HORMAD2: variants seen among roughly 807,000 people sequenced by gnomAD.
The protein encoded by HORMAD2 is HORMA domain containing 2.
HORMAD2 carries 45 observed loss-of-function variants against 38.8 expected under a neutral mutation model. That is an observed-to-expected ratio of 1.16 (90% CI 0.91 to 1.49). HORMAD2 has a LOEUF of 1.49. HORMAD2 is among the 40% of genes most tolerant of loss of function. The pLI is 0.00. For synonymous variants in HORMAD2, 126 were observed against 122.8 expected (o/e 1.03, Z -0.17); for missense variants, 338 against 367.0 (o/e 0.92, Z 0.65).
intron 10 of HORMAD2, among the ~76,000 whole-genome samples, chr22:30,141,354 ATACT>A (rs1398074157): frequency 6.6e-6 from 1 of 151,924 alleles, no homozygotes; most frequent in African/African-American, 2.4e-5. Context: ...TAATTTCCAC[ATACT>A]TTTTTATTTA....
rs371936401 is a variant in HORMAD2, at chr22:30,118,981, A to C, written c.344A>C (p.Lys115Thr). 2 of 1,577,262 alleles carry C rather than the reference A, an allele frequency of 1.3e-6. No homozygotes were observed. Among genetic ancestry groups the C allele is most frequent in the African/African-American group, 1.4e-5 (1 of 74,022 alleles). Residue 115 changes from lysine (K) to threonine (T), a missense_variant and splice_region_variant, in exon 8 of 11, where the codon AAG becomes ACG. Coordinates refer to ENST00000336726, the MANE Select transcript of HORMAD2 (RefSeq NM_152510.4). ...CTTTATTTCCTTTGGTTTTTGTAGA[A>C]GGTGACTGAGATGTACCAGTTCAAA... The part of the protein sequence containing the change: ...TLYTDPMGSE[K>T]VTEMYQFKFK...
In HORMAD2 at chr22:30,148,408, G is replaced by A. The variant is rs1047009068; in HGVS notation, c.819+26194G>A. 3.9e-5 allele frequency among the ~76,000 whole-genome samples: 6 copies of A among 152,132 alleles called. No homozygotes were observed. The East Asian group carries it at 7.7e-4, about 20-fold the overall frequency. On this transcript the variant is annotated intron_variant, in intron 10 of 10. Transcript: ENST00000336726. ...GAATTTAGTGCAAAGAGGCATAGAG[G>A]AACTTTTTTTAGGGTGATGAGATGT...
intron 10 of HORMAD2, among the ~76,000 whole-genome samples, chr22:30,174,961 AG>A (rs1926341385): frequency 6.6e-6 from 1 of 151,998 alleles, no homozygotes; most frequent in Admixed American, 6.6e-5. Context: ...TATAAGCCAA[AG>A]GGAATTTGTG....
At chr22:30,121,818 C>T in intron 9 of HORMAD2, 29 bp downstream of exon 9, 1 of 1,589,622 alleles carries the variant, frequency 6.3e-7, no homozygotes, top group Non-Finnish European at 8.5e-7. Flanking sequence ...GCAAATTCCT[C>T]CTTAAGTGCT....
At chr22:30,195,470 G>A in the HORMAD2 span, among the ~76,000 whole-genome samples, 1 of 152,154 alleles carries the variant, frequency 6.6e-6, no homozygotes, top group African/African-American at 2.4e-5. Flanking sequence ...GTTGTTCAAG[G>A]TCACAGTGAG....
At chr22:30,110,324 A>G (rs559972318) in intron 5 of HORMAD2, among the ~76,000 whole-genome samples, 7 of 151,936 alleles carry the variant, frequency 4.6e-5, no homozygotes, top group Admixed American at 2.0e-4. Flanking sequence ...CAGTTTTCAG[A>G]TATCTAGGAA....
At chr22:30,127,698 T>C (rs548553887) in intron 10 of HORMAD2, among the ~76,000 whole-genome samples, 1 of 152,346 alleles carries the variant, frequency 6.6e-6, no homozygotes, top group African/African-American at 2.4e-5. Flanking sequence ...TTCCAAATTG[T>C]ACTTCCATAA....
chr22:30,180,137 G>T (rs999414671), downstream of HORMAD2, among the ~76,000 whole-genome samples: 1 of 151,988 alleles, frequency 6.6e-6, no homozygotes. Flanking sequence ...CAATTTGCCC[G>T]CCTCAGCCTC....
chr22:30,184,570 A>G, the HORMAD2 span: 2 of 152,104 alleles, frequency 1.3e-5, no homozygotes, highest in Admixed American at 6.5e-5. Context: ...TTTTTTTTAA[A>G]CAAGAAAATA....
chr22:30,086,420 C>A (rs541594543), intron 1 of HORMAD2, among the ~76,000 whole-genome samples: 57 of 152,122 alleles, frequency 3.7e-4, no homozygotes, highest in Admixed American at 1.0e-3. Flanking sequence ...ATTGCAAAAT[C>A]CTGAGAGCTA....
chr22:30,200,498 A>G, the HORMAD2 span, among the ~76,000 whole-genome samples: 1 of 152,118 alleles, frequency 6.6e-6, no homozygotes, highest in Non-Finnish European at 1.5e-5. Context: ...TTACTGGTAA[A>G]GATGAATGCC....
At chr22:30,121,416 G>A (rs1020494546) in intron 8 of HORMAD2, among the ~76,000 whole-genome samples, 5 of 152,012 alleles carry the variant, frequency 3.3e-5, no homozygotes, top group Admixed American at 6.6e-5. Context: ...TAAAAAGATC[G>A]TATTTTAAAT....
Position 30,176,710 on chromosome 22 carries a change from C to A in HORMAD2, c.*543C>A, listed in dbSNP as rs1044509638. ...TGTGGGACCAAAATGTGCCCTGCCT[C>A]AACTCTGGCCCCAGGCCCTGTTCTG... is the stretch of plus-strand genomic sequence containing the variant. On this transcript the variant is annotated 3_prime_UTR_variant, in exon 11 of 11. Coordinates refer to ENST00000336726, the MANE Select transcript of HORMAD2 (RefSeq NM_152510.4). The A allele has an allele frequency of 2.0e-5, 3 of 153,062 alleles. No individual in the cohort carries two copies. The highest frequency in any genetic ancestry group is 7.2e-5 in the African/African-American group (3 of 41,462). 9.5% of individuals were successfully genotyped at this position (153,062 alleles called of 1,614,324 possible). A position where few individuals can be genotyped will look rare whatever the true frequency, so the allele number is the denominator to read the frequency against.
upstream of HORMAD2, among the ~76,000 whole-genome samples, chr22:30,079,650 C>T (rs968104219): frequency 2.6e-5 from 4 of 151,950 alleles, no homozygotes; most frequent in African/African-American, 9.7e-5. Flanking sequence ...GGACTACAGG[C>T]GCACGTCAGG....
chr22:30,142,610 G>A (rs1924157361), intron 10 of HORMAD2, among the ~76,000 whole-genome samples: 1 of 151,856 alleles, frequency 6.6e-6, no homozygotes, highest in South Asian at 2.1e-4. Context: ...ATCCCCAAAT[G>A]CCCCTTATTA....
At chr22:30,172,128 A>G (rs1271366212) in intron 10 of HORMAD2, among the ~76,000 whole-genome samples, 3 of 152,174 alleles carry the variant, frequency 2.0e-5, no homozygotes, top group Admixed American at 6.5e-5. Context: ...TCCCCTGAAA[A>G]TGTAAAGAAC....
chr22:30,183,650 A>G, the HORMAD2 span, among the ~76,000 whole-genome samples: 30 of 152,378 alleles, frequency 2.0e-4, no homozygotes, highest in African/African-American at 6.3e-4. Context: ...CAGTTAGTAC[A>G]TAGCAAAGTC....
At chr22:30,122,919 TTAGACAAAAAATTTTCAG>T (rs1246897517) in intron 10 of HORMAD2, among the ~76,000 whole-genome samples, 1 of 152,158 alleles carries the variant, frequency 6.6e-6, no homozygotes, top group African/African-American at 2.4e-5. Flanking sequence ...GGGTTCTGAG[TTAGACAAAAAATTTTCAG>T]TAGGAAGGGA....
downstream of HORMAD2, among the ~76,000 whole-genome samples, chr22:30,178,324 C>T (rs1169835188): frequency 6.6e-6 from 1 of 152,204 alleles, no homozygotes; most frequent in Non-Finnish European, 1.5e-5. Context: ...CCTCTTTCCC[C>T]ATCTGAACAG....
Sources: allele counts gnomAD v4.1 joint callset (sites outside exome capture counted in the v4.1 genomes callset), GRCh38; gene constraint gnomAD v4.1.1; transcripts MANE v1.5; gene names NCBI Gene and HGNC (gene_info 2026-07-23, HGNC 2026-07-21).